LRRC7: variants seen among roughly 807,000 people sequenced by gnomAD.
The protein encoded by LRRC7 is leucine rich repeat containing 7, also known as leucine-rich repeat-containing protein 7.
LRRC7 carries 23 observed loss-of-function variants against 175.7 expected under a neutral mutation model. That is an observed-to-expected ratio of 0.13 (90% CI 0.09 to 0.19). The LOEUF (loss-of-function observed/expected upper bound fraction) is 0.19, where lower values mean the gene tolerates loss of function less well. LRRC7 is among the 10% of genes least tolerant of loss of function. The probability of loss-of-function intolerance (pLI) is 1.00; values close to 1 mark genes in which losing one functional copy is unlikely to be tolerated. For synonymous variants in LRRC7, 685 were observed against 680.9 expected, an observed-to-expected ratio of 1.01 and a Z score of -0.09; for missense variants, 1,354 against 1,904.7, an observed-to-expected ratio of 0.71 and a Z score of 5.38.
intron 4 of LRRC7, among the ~76,000 whole-genome samples, chr1:69,824,632 C>T (rs1341330631): frequency 6.6e-6 from 1 of 152,090 alleles, no homozygotes. Context: ...GATTTGACTA[C>T]CCTGCTGCTT....
Position 70,129,987 on chromosome 1 carries a change from C to A in LRRC7, c.*8100C>A, listed in dbSNP as rs1365925627. 1 of 152,190 alleles carries A rather than the reference C, an allele frequency of 6.6e-6. No individual in the cohort carries two copies. Among genetic ancestry groups the A allele is most frequent in the Non-Finnish European group, 1.5e-5 (1 of 68,034 alleles). The allele number at this position is 152,190 out of a possible 1,614,324, so 9.4% of individuals were successfully genotyped here. On this transcript the variant is annotated 3_prime_UTR_variant, in exon 27 of 27. Transcript: ENST00000651989. ...CTGGAATGCCTTCCTCTCCCTATTC[C>A]CTTTCTAAATTATTAAAATCATATG...
chr1:69,932,297 G>A (rs1557903656), intron 8 of LRRC7, among the ~76,000 whole-genome samples: 8 of 152,138 alleles, frequency 5.3e-5, no homozygotes, highest in Admixed American at 3.3e-4. Context: ...AAAGATTTAA[G>A]TAAGCAATCC....
At position 70,088,326 on chromosome 1, in the gene LRRC7, G is replaced by A. The variant is rs555936422; in HGVS notation, c.4453-1401G>A. Among the ~76,000 whole-genome samples, 5 of 152,252 alleles carry A rather than the reference G, an allele frequency of 3.3e-5. No homozygotes were observed. The South Asian group carries it at 8.3e-4, about 25-fold the overall frequency. On this transcript the variant is annotated intron_variant, in intron 24 of 26. Transcript: ENST00000651989. ...GATTCCAGTGCTTTGGGAGGCCAAG[G>A]TGGGAGAATCACTTGAGGACAGGAG... is the stretch of plus-strand genomic sequence containing the variant.
rs557438913 is a variant in LRRC7 at position 69,690,820 on chromosome 1, A to G, written c.100+12342A>G. ...AGTTCTGGGCTGGGCTTTTTAAGGGAATCATAGAGGGTAAGGGCCTGGAAA... is the reference window on the plus strand; with the variant it reads ...AGTTCTGGGCTGGGCTTTTTAAGGGGATCATAGAGGGTAAGGGCCTGGAAA... On this transcript the variant is annotated intron_variant, in intron 2 of 26. Coordinates refer to ENST00000651989, the MANE Select transcript of LRRC7 (RefSeq NM_001370785.2). Among the ~76,000 whole-genome samples the G allele has an allele frequency of 2.4e-4, 36 of 152,226 alleles. No homozygotes were observed. The South Asian group carries it at 5.6e-3, about 24-fold the overall frequency.
At chr1:69,655,913 A>G (rs4298684) in intron 1 of LRRC7, among the ~76,000 whole-genome samples, 55,871 of 151,840 alleles carry the variant, frequency 0.37, 10,841 homozygotes, top group East Asian at 0.48. Flanking sequence ...AATATTATCT[A>G]TTTGAAAAGC....
chr1:69,668,639 A>C (rs1658621225), intron 1 of LRRC7, among the ~76,000 whole-genome samples: 1 of 152,178 alleles, frequency 6.6e-6, no homozygotes, highest in Non-Finnish European at 1.5e-5. Context: ...AGAATGATTT[A>C]TTATCTTTTG....
At chr1:70,117,213 A>T (rs1469521210) in intron 26 of LRRC7, among the ~76,000 whole-genome samples, 6 of 152,206 alleles carry the variant, frequency 3.9e-5, no homozygotes, top group African/African-American at 1.4e-4. Flanking sequence ...TAATCCCACC[A>T]ACCCTGTGGC....
intron 7 of LRRC7, among the ~76,000 whole-genome samples, chr1:69,848,587 A>G (rs1382974570): frequency 3.3e-5 from 5 of 152,082 alleles, no homozygotes; most frequent in African/African-American, 1.2e-4. Context: ...TTGGTTCAAT[A>G]AGACACACCA....
intron 2 of LRRC7, among the ~76,000 whole-genome samples, chr1:69,700,859 A>T (rs1239812157): frequency 1.3e-5 from 2 of 152,114 alleles, no homozygotes; most frequent in African/African-American, 4.8e-5. Context: ...TCAGCCCAAG[A>T]CCAGGGTCAT....
At chr1:69,697,987 G>A (rs1441275926) in intron 2 of LRRC7, among the ~76,000 whole-genome samples, 2 of 152,204 alleles carry the variant, frequency 1.3e-5, no homozygotes, top group Non-Finnish European at 2.9e-5. Context: ...CTTTGCATCT[G>A]TGCTCACATC....
At chr1:69,674,410 G>T (rs1338787722) in intron 1 of LRRC7, among the ~76,000 whole-genome samples, 1 of 152,086 alleles carries the variant, frequency 6.6e-6, no homozygotes, top group Non-Finnish European at 1.5e-5. Flanking sequence ...CTTTCATAAA[G>T]TTGTTCAAAG....
chr1:69,814,869 A>G (rs1362168163), intron 4 of LRRC7, among the ~76,000 whole-genome samples: 2 of 152,140 alleles, frequency 1.3e-5, no homozygotes, highest in Non-Finnish European at 2.9e-5. Flanking sequence ...AATAGCTGAA[A>G]CAAAAGCATA....
In LRRC7 at chr1:69,717,762, A is replaced by AAAGAAAGAAAGAAAG. The variant is rs1557640309; in HGVS notation, c.100+39286_100+39287insGAAAGAAAGAAAGAA. On this transcript the variant is annotated intron_variant, in intron 2 of 26. Transcript: ENST00000651989. ...ATTTAAAAGATATTGGAACATGAAA[A>AAAGAAAGAAAGAAAG]AAAGAAAAAAAGAAAGAAAGAAAGA... Among the ~76,000 whole-genome samples, 14 of 40,840 alleles carry AAAGAAAGAAAGAAAG rather than the reference A, an allele frequency of 3.4e-4. 3 individuals carry two copies. The highest frequency in any genetic ancestry group is 9.9e-4 in the South Asian group (1 of 1,014). 26.8% of individuals were successfully genotyped at this position (40,840 alleles called of 152,430 possible). A position where few individuals can be genotyped will look rare whatever the true frequency, so the allele number is the denominator to read the frequency against.
intron 25 of LRRC7, among the ~76,000 whole-genome samples, chr1:70,106,902 A>G (rs554935454): frequency 1.4e-4 from 21 of 152,344 alleles, no homozygotes; most frequent in African/African-American, 3.8e-4. Flanking sequence ...ACACAAATAT[A>G]AGCTGGGTGC....
intron 7 of LRRC7, among the ~76,000 whole-genome samples, chr1:69,850,631 C>T (rs1302203786): frequency 1.3e-5 from 2 of 151,998 alleles, no homozygotes; most frequent in Admixed American, 6.6e-5. Context: ...TAGGTCCTTG[C>T]TGATGGACAG....
At chr1:70,000,709 A>G (rs1182149523) in intron 11 of LRRC7, among the ~76,000 whole-genome samples, 2 of 152,094 alleles carry the variant, frequency 1.3e-5, no homozygotes, top group African/African-American at 4.8e-5. Context: ...TGACTACTTC[A>G]CATCCTCTAG....
chr1:69,671,237 C>T (rs1006759471), intron 1 of LRRC7, among the ~76,000 whole-genome samples: 4 of 152,026 alleles, frequency 2.6e-5, no homozygotes, highest in Non-Finnish European at 4.4e-5. Flanking sequence ...TGGATCCTTC[C>T]CCTCAAGGCA....
chr1:69,716,128 CT>C (rs34247555), intron 2 of LRRC7: 89 of 411,864 alleles, frequency 2.2e-4, no homozygotes, highest in South Asian at 1.2e-3. Context: ...TTTAAATTTT[CT>C]TTTTTTTTAA....
At chr1:69,818,305 A>G (rs1678835389) in intron 4 of LRRC7, among the ~76,000 whole-genome samples, 1 of 151,950 alleles carries the variant, frequency 6.6e-6, no homozygotes, top group South Asian at 2.1e-4. Flanking sequence ...TAATTTGTGG[A>G]GAGTTTCATT....
Sources: allele counts gnomAD v4.1 joint callset (sites outside exome capture counted in the v4.1 genomes callset), GRCh38; gene constraint gnomAD v4.1.1; transcripts MANE v1.5; gene names NCBI Gene and HGNC (gene_info 2026-07-23, HGNC 2026-07-21).